USP54: variants seen among roughly 807,000 people sequenced by gnomAD.
USP54 encodes the protein ubiquitin specific peptidase 54.
In USP54, 87 loss-of-function variants were observed where a neutral mutation model predicts 170.5. That is an observed-to-expected ratio of 0.51 (90% CI 0.43 to 0.61). The LOEUF (loss-of-function observed/expected upper bound fraction) is 0.61. Among genes scored for constraint, USP54 ranks in the 20% least tolerant of loss-of-function variants. USP54 has a pLI of 0.00. For synonymous variants in USP54, 655 were observed against 742.8 expected (o/e 0.88, Z 1.92); for missense variants, 1,786 against 2,047.8 (o/e 0.87, Z 2.47).
intron 9 of USP54, 81 bp from the exon 10 acceptor site, chr10:73,539,674 T>G: frequency 1.4e-6 from 2 of 1,427,148 alleles, no homozygotes; most frequent in Non-Finnish European, 9.4e-7. Flanking sequence ...CCACCAGCAT[T>G]TCTTAAGTAA....
intron 4 of USP54, among the ~76,000 whole-genome samples, chr10:73,570,276 T>G (rs1194353779): frequency 6.6e-6 from 1 of 152,066 alleles, no homozygotes; most frequent in East Asian, 1.9e-4. Context: ...ACATCATAGC[T>G]CTTTCTCTTT....
At chr10:73,561,096 C>A in intron 4 of USP54, among the ~76,000 whole-genome samples, 1 of 122,690 alleles carries the variant, frequency 8.2e-6, no homozygotes, top group Admixed American at 8.8e-5. Flanking sequence ...CACAGCGAGA[C>A]TCCATCTCAA....
intron 4 of USP54, among the ~76,000 whole-genome samples, chr10:73,546,061 C>T (rs1427519998): frequency 6.6e-6 from 1 of 152,160 alleles, no homozygotes; most frequent in Non-Finnish European, 1.5e-5. Flanking sequence ...TCCTATGAAT[C>T]TTGACCCCCT....
At chr10:73,552,562 G>A (rs918012888) in intron 4 of USP54, among the ~76,000 whole-genome samples, 5 of 152,080 alleles carry the variant, frequency 3.3e-5, no homozygotes, top group African/African-American at 4.8e-5. Flanking sequence ...AGGCTGAGTC[G>A]GGAGGATTAC....
intron 12 of USP54, among the ~76,000 whole-genome samples, chr10:73,534,238 G>A (rs1415432947): frequency 8.1e-5 from 12 of 148,688 alleles, no homozygotes; most frequent in African/African-American, 2.5e-4. Flanking sequence ...ACGGAGTCTC[G>A]CTCTGTTGCC....
rs543796774 is a variant in USP54 at position 73,529,692 on chromosome 10, G to A, written c.2048C>T (p.Ser683Leu). ...VSLDAALPES[S>L]NVYRDPSAKR... ...GGCCAAACAATACCTGTAGACATTTGAGCTCTCAGGCAGGGCTGCATCCAG... is the reference window on the plus strand; with the variant it reads ...GGCCAAACAATACCTGTAGACATTTAAGCTCTCAGGCAGGGCTGCATCCAG... The change falls in exon 15 of 24, where the codon TCA (serine) becomes TTA (leucine). Residue 683 changes from serine to leucine, a missense_variant. Ser to Leu is a moderately radical substitution (Grantham distance 145). Coordinates refer to ENST00000687698, the MANE Select transcript of USP54 (RefSeq NM_001391956.1). 9.3e-6 allele frequency: 15 copies of A among 1,614,120 alleles called. No homozygotes were observed. In the East Asian group the frequency reaches 2.0e-4, roughly 22 times the overall value.
chr10:73,530,908 C>G, intron 12 of USP54, 73 bp from the exon 13 acceptor site: 1 of 1,594,784 alleles, frequency 6.3e-7, no homozygotes, highest in South Asian at 1.1e-5. Context: ...CCTACCTAAT[C>G]TCCCTTTGGG....
intron 4 of USP54, among the ~76,000 whole-genome samples, chr10:73,561,236 A>G (rs2072958891): frequency 1.3e-5 from 2 of 152,102 alleles, no homozygotes; most frequent in Admixed American, 6.5e-5. Flanking sequence ...AAATAACAAG[A>G]GAGAAGAGTT....
intron 4 of USP54, among the ~76,000 whole-genome samples, chr10:73,562,704 G>A (rs188012363): frequency 1.3e-5 from 2 of 152,278 alleles, no homozygotes; most frequent in East Asian, 3.9e-4. Flanking sequence ...TAGTTGGAAT[G>A]TGTTATTTCC....
At chr10:73,561,179 G>C (rs983492607) in intron 4 of USP54, among the ~76,000 whole-genome samples, 2 of 148,272 alleles carry the variant, frequency 1.3e-5, no homozygotes, top group African/African-American at 5.0e-5. Flanking sequence ...ACACAGAAAA[G>C]TAGAGTGTTT....
intron 10 of USP54, among the ~76,000 whole-genome samples, chr10:73,538,684 C>A (rs1203156678): frequency 1.3e-5 from 2 of 151,956 alleles, no homozygotes; most frequent in Non-Finnish European, 2.9e-5. Context: ...GGTGGCCACA[C>A]ACCTATAGTC....
In USP54 at chr10:73,540,269, A is replaced by AT. The variant is rs1273928649; in HGVS notation, c.826-677dup. Among the ~76,000 whole-genome samples, 6 of 151,026 alleles carry AT rather than the reference A, an allele frequency of 4.0e-5. No homozygotes were observed. In the East Asian group the frequency reaches 9.8e-4, roughly 25 times the overall value. ...TCATAAGAGGAGCCAGGAAAGTTGGATTAAAAAAAAAAAAAAACCAGCTGG... is the reference window on the plus strand; with the variant it reads ...TCATAAGAGGAGCCAGGAAAGTTGGATTTAAAAAAAAAAAAAAACCAGCTGG... On this transcript the variant is annotated intron_variant, in intron 9 of 23. Transcript: ENST00000687698.
intron 1 of USP54, among the ~76,000 whole-genome samples, chr10:73,585,993 G>C (rs2077439698): frequency 6.6e-6 from 1 of 152,028 alleles, no homozygotes; most frequent in African/African-American, 2.4e-5. Context: ...CCTGGTGACA[G>C]AGCAAGACTC....
At chr10:73,610,839 T>C (rs1230806149) in intron 1 of USP54, among the ~76,000 whole-genome samples, 1 of 152,174 alleles carries the variant, frequency 6.6e-6, no homozygotes, top group Non-Finnish European at 1.5e-5. Context: ...TGTTTCTTGC[T>C]TTCAACATGG....
chr10:73,544,862 C>T (rs753508331), intron 5 of USP54, among the ~76,000 whole-genome samples: 2 of 152,008 alleles, frequency 1.3e-5, no homozygotes, highest in African/African-American at 2.4e-5. Context: ...TATAGGCGCC[C>T]GCCACCATGC....
At chr10:73,586,124 C>T (rs1429743303) in intron 1 of USP54, among the ~76,000 whole-genome samples, 1 of 152,194 alleles carries the variant, frequency 6.6e-6, no homozygotes, top group Non-Finnish European at 1.5e-5. Flanking sequence ...TCTACTCATT[C>T]ACTCACTGAT....
intron 16 of USP54, among the ~76,000 whole-genome samples, chr10:73,524,425 C>T (rs1002149532): frequency 1.3e-5 from 2 of 151,666 alleles, no homozygotes; most frequent in African/African-American, 4.8e-5. Context: ...ACTAAAAATA[C>T]AAAAATTAGC....
intron 1 of USP54, among the ~76,000 whole-genome samples, chr10:73,598,268 A>G (rs2078888461): frequency 6.6e-6 from 1 of 152,188 alleles, no homozygotes; most frequent in South Asian, 2.1e-4. Context: ...TGCTGGAATA[A>G]TTGAATATCC....
intron 4 of USP54, among the ~76,000 whole-genome samples, chr10:73,569,459 T>G (rs564895579): frequency 6.6e-6 from 1 of 152,304 alleles, no homozygotes; most frequent in South Asian, 2.1e-4. Flanking sequence ...AATAAACCAA[T>G]AATTTATATT....
Sources: allele counts gnomAD v4.1 joint callset (sites outside exome capture counted in the v4.1 genomes callset), GRCh38; gene constraint gnomAD v4.1.1; transcripts MANE v1.5; gene names NCBI Gene and HGNC (gene_info 2026-07-23, HGNC 2026-07-21).